The following PLCG1 variants were observed in gnomAD, a reference collection of about 807,000 sequenced individuals.
The protein encoded by PLCG1 is 1-phosphatidylinositol 4,5-bisphosphate phosphodiesterase gamma-1.
PLCG1 carries 71 observed loss-of-function variants against 177.8 expected under a neutral mutation model. That is an observed-to-expected ratio of 0.40 (90% CI 0.33 to 0.49). The LOEUF is 0.49. Among genes scored for constraint, PLCG1 ranks in the 20% least tolerant of loss-of-function variants. The probability of loss-of-function intolerance (pLI) is 0.72; values close to 1 mark genes in which losing one functional copy is unlikely to be tolerated. For missense variants in PLCG1, 1,281 were observed against 1,709.0 expected, an observed-to-expected ratio of 0.75 and a Z score of 4.42; for synonymous variants, 658 against 647.9, an observed-to-expected ratio of 1.02 and a Z score of -0.24.
chr20:41,165,712 G>A lies in PLCG1; in HGVS notation c.1685G>A (p.Arg562His), dbSNP rs1182207855. The change falls in exon 16 of 32, where the codon CGT becomes CAT. Residue 562 changes from arginine to histidine, a missense_variant. By Grantham distance (29) the Arg-to-His change is conservative. Around this residue, in one of 4 missense-constraint regions of PLCG1, gnomAD observed 723 missense variants for 1,030.0 expected, o/e 0.70. Coordinates refer to ENST00000685551, the MANE Select transcript of PLCG1 (RefSeq NM_002660.3). The surrounding 1 kb of genome is among the most constrained non-coding windows in gnomAD (Gnocchi z 6.6). The part of the protein sequence containing the change: ...HGKLGAGRDG[R>H]HIAERLLTEY... ...AAGCTAGGGGCAGGGCGTGACGGGC[G>A]TCACATCGCTGAGCGCCTGCTTACT... The A allele has an allele frequency of 2.5e-6, 4 of 1,613,776 alleles. No homozygotes were observed. The highest frequency in any genetic ancestry group is 1.7e-5 in the Admixed American group (1 of 60,012).
rs2035412309 is a variant in PLCG1 at position 41,159,113 on chromosome 20, G to T, written c.218-493G>T. ...GGCCCCTTGCTGAGACTTGTGTGGG[G>T]ATGGCTTTAGCAGTTAGGCATTTCA... is the stretch of plus-strand genomic sequence containing the variant. On this transcript the variant is annotated intron_variant, in intron 1 of 31. Coordinates refer to ENST00000685551, the MANE Select transcript of PLCG1 (RefSeq NM_002660.3). The surrounding 1 kb of genome is among the most constrained non-coding windows in gnomAD (Gnocchi z 6.0). 6.6e-6 allele frequency among the ~76,000 whole-genome samples: 1 copy of T among 152,200 alleles called. No individual in the cohort carries two copies. The highest frequency in any genetic ancestry group is 2.4e-5 in the African/African-American group (1 of 41,442).
intron 1 of PLCG1, among the ~76,000 whole-genome samples, chr20:41,141,585 G>A (rs771774087): frequency 1.3e-5 from 2 of 152,368 alleles, no homozygotes; most frequent in Non-Finnish European, 1.5e-5. Context: ...CTTTGTACTG[G>A]CTGTTACTCC....
At chr20:41,158,406 C>T (rs956218239) in intron 1 of PLCG1, among the ~76,000 whole-genome samples, 3 of 152,144 alleles carry the variant, frequency 2.0e-5, no homozygotes, top group Non-Finnish European at 4.4e-5. Flanking sequence ...GTTGGCTAAG[C>T]CAAGCTTTTT....
Position 41,153,835 on chromosome 20 carries a change from G to T in PLCG1, c.218-5771G>T, listed in dbSNP as rs2035238479. The stretch of plus-strand genomic sequence containing the variant: ...CACTTGAACCCCGGAGGCAGAGGTT[G>T]CAGTGAACCGAGATTGCACCACTGC... On this transcript the variant is annotated intron_variant, in intron 1 of 31. Transcript: ENST00000685551. This position sits in a 1 kb window ranked among gnomAD's most constrained non-coding sequence, Gnocchi z 5.1. Among the ~76,000 whole-genome samples, 1 of 152,210 alleles carries T rather than the reference G, an allele frequency of 6.6e-6. No individual in the cohort carries two copies. The highest frequency in any genetic ancestry group is 1.5e-5 in the Non-Finnish European group (1 of 68,038).
At chr20:41,152,192 A>C (rs900506242) in intron 1 of PLCG1, among the ~76,000 whole-genome samples, 10 of 69,992 alleles carry the variant, frequency 1.4e-4, no homozygotes, top group African/African-American at 5.9e-4. Flanking sequence ...GATTGGTGAG[A>C]GGTCATTTTG....
Position 41,153,905 on chromosome 20 carries a change from T to C in PLCG1, c.218-5701T>C, listed in dbSNP as rs146305398. Among the ~76,000 whole-genome samples the C allele has an allele frequency of 1.9e-4, 29 of 152,332 alleles. No individual in the cohort carries two copies. Among genetic ancestry groups the C allele is most frequent in the African/African-American group, 7.0e-4 (29 of 41,572 alleles). On this transcript the variant is annotated intron_variant, in intron 1 of 31. Coordinates refer to ENST00000685551, the MANE Select transcript of PLCG1 (RefSeq NM_002660.3). This position sits in a 1 kb window ranked among gnomAD's most constrained non-coding sequence, Gnocchi z 5.1. ...AGCGAGACACCCAGACCCAGAGAAA[T>C]ATTTCAGTGAAAGCATGTTTCATGT...
Position 41,159,368 on chromosome 20 carries a change from C to T in PLCG1, c.218-238C>T, listed in dbSNP as rs927820513. On this transcript the variant is annotated intron_variant, in intron 1 of 31. Transcript: ENST00000685551. The surrounding 1 kb of genome is among the most constrained non-coding windows in gnomAD (Gnocchi z 6.0). ...GAACAAAGATAGGGAAGGGACACCC[C>T]ACAGAACCACCTTTCCCCCATATAG... Among the ~76,000 whole-genome samples the T allele has an allele frequency of 6.6e-6, 1 of 152,096 alleles. No individual in the cohort carries two copies. The highest frequency in any genetic ancestry group is 2.4e-5 in the African/African-American group (1 of 41,404).
rs745495023 is a variant in PLCG1, at chr20:41,165,400, C to T, written c.1509+33C>T. 6.2e-7 allele frequency: 1 copy of T among 1,613,986 alleles called. No individual in the cohort carries two copies. Among genetic ancestry groups the T allele is most frequent in the Non-Finnish European group, 8.5e-7 (1 of 1,179,874 alleles). The stretch of plus-strand genomic sequence containing the variant: ...CTGGGCCAGGCTGGGGGTGGTAGGC[C>T]AGTGGGTGTGAGGACCCTGGCTCAC... On this transcript the variant is annotated intron_variant, in intron 14 of 31. Coordinates refer to ENST00000685551, the MANE Select transcript of PLCG1 (RefSeq NM_002660.3). The surrounding 1 kb of genome is among the most constrained non-coding windows in gnomAD (Gnocchi z 6.6).
In PLCG1 at chr20:41,165,109, G is replaced by A. The variant is rs1442124849; in HGVS notation, c.1386+8G>A. ...AGGAAGATCCTCATCAAGGTGGGGT[G>A]GCGGGCTTATTGCGGAAGCCCCACA... is the stretch of plus-strand genomic sequence containing the variant. On this transcript the variant is annotated splice_region_variant and intron_variant, in intron 13 of 31. Coordinates refer to ENST00000685551, the MANE Select transcript of PLCG1 (RefSeq NM_002660.3). The surrounding 1 kb of genome is among the most constrained non-coding windows in gnomAD (Gnocchi z 6.6). 6 of 1,610,444 alleles carry A rather than the reference G, an allele frequency of 3.7e-6. No homozygotes were observed. In the Admixed American group the frequency reaches 1.0e-4, roughly 27 times the overall value.
rs968855511 is a variant in PLCG1 at position 41,159,151 on chromosome 20, TC to T, written c.218-453del. ...GTTAGGCATTTCAGGGATGCACCAG[TC>T]CTCTGGGCCAGAGCCTACTTTCTCC... On this transcript the variant is annotated intron_variant, in intron 1 of 31. Coordinates refer to ENST00000685551, the MANE Select transcript of PLCG1 (RefSeq NM_002660.3). This position sits in a 1 kb window ranked among gnomAD's most constrained non-coding sequence, Gnocchi z 6.0. 6.6e-6 allele frequency among the ~76,000 whole-genome samples: 1 copy of T among 152,164 alleles called. No individual in the cohort carries two copies. Among genetic ancestry groups the T allele is most frequent in the Non-Finnish European group, 1.5e-5 (1 of 68,024 alleles).
At position 41,166,516 on chromosome 20, in the gene PLCG1, A is replaced by G. The variant is rs1568750067; in HGVS notation, c.2041A>G (p.Met681Val). 3 of 1,614,134 alleles carry G rather than the reference A, an allele frequency of 1.9e-6. No individual in the cohort carries two copies. The highest frequency in any genetic ancestry group is 1.1e-5 in the South Asian group (1 of 91,088). ...ASLTRAQAEHMLMRVPRDGAF... is the reference protein window; with the variant it reads ...ASLTRAQAEHVLMRVPRDGAF... ...CCTGACCAGAGCACAGGCTGAGCAC[A>G]TGCTAATGCGCGTCCCTCGTGATGG... is the stretch of plus-strand genomic sequence containing the variant. The change falls in exon 18 of 32, where the codon ATG becomes GTG. Residue 681 changes from methionine to valine, a missense_variant. Physicochemically the swap from Met to Val is conservative, Grantham distance 21. This residue lies in a region of PLCG1 where 723 missense variants were observed against 1,030.0 expected (regional missense o/e 0.70). Transcript: ENST00000685551. This position sits in a 1 kb window ranked among gnomAD's most constrained non-coding sequence, Gnocchi z 8.6.
chr20:41,166,318 G>A lies in PLCG1; in HGVS notation c.1924G>A (p.Val642Met). The A allele has an allele frequency of 6.2e-7, 1 of 1,614,168 alleles. No homozygotes were observed. The highest frequency in any genetic ancestry group is 8.5e-7 in the Non-Finnish European group (1 of 1,180,042). The change falls in exon 17 of 32, where the codon GTG becomes ATG. Residue 642 changes from valine (V) to methionine (M), a missense_variant. Physicochemically the swap from Val to Met is conservative, Grantham distance 21. Coordinates refer to ENST00000685551, the MANE Select transcript of PLCG1 (RefSeq NM_002660.3). This position sits in a 1 kb window ranked among gnomAD's most constrained non-coding sequence, Gnocchi z 8.6. ...TGACCTCATCACGCACTACCAGCAG[G>A]TGCCCCTGCGCTGTAATGAGTTTGA... ...LYDLITHYQQ[V>M]PLRCNEFEMR...
At chr20:41,149,026 T>C (rs1428331126) in intron 1 of PLCG1, among the ~76,000 whole-genome samples, 4 of 152,190 alleles carry the variant, frequency 2.6e-5, no homozygotes. Context: ...TATAAGGCAG[T>C]TTTTATCGTT....
In PLCG1 at chr20:41,164,163, C is replaced by T. The variant is rs377700219; in HGVS notation, c.1179C>T (p.Val393=). ...TLTTKIKFSD[V]LHTIKEHAFV... ...CCACCAAGATCAAGTTCTCAGATGTCCTGCACACCATCAAGGAGCATGCCT... is the reference window on the plus strand; with the variant it reads ...CCACCAAGATCAAGTTCTCAGATGTTCTGCACACCATCAAGGAGCATGCCT... Residue 393 remains valine (V), a synonymous_variant, in exon 12 of 32, where the codon GTC becomes GTT. Coordinates refer to ENST00000685551, the MANE Select transcript of PLCG1 (RefSeq NM_002660.3). This position sits in a 1 kb window ranked among gnomAD's most constrained non-coding sequence, Gnocchi z 6.4. 7.9e-5 allele frequency: 128 copies of T among 1,614,006 alleles called. No individual in the cohort carries two copies. Among genetic ancestry groups the T allele is most frequent in the Non-Finnish European group, 1.1e-4 (125 of 1,180,022 alleles).
In PLCG1 at chr20:41,150,518, C is replaced by T. The variant is rs1383581589; in HGVS notation, c.218-9088C>T. Reference sequence around the variant, plus strand: ...AAAGAACTTAGGCAGCATCAGTCTGCAAGGGAGGCAGAGTTTGGAGCACAC... The same window carrying T: ...AAAGAACTTAGGCAGCATCAGTCTGTAAGGGAGGCAGAGTTTGGAGCACAC... On this transcript the variant is annotated intron_variant, in intron 1 of 31. Transcript: ENST00000685551. This position sits in a 1 kb window ranked among gnomAD's most constrained non-coding sequence, Gnocchi z 4.0. Among the ~76,000 whole-genome samples the T allele has an allele frequency of 6.6e-6, 1 of 152,042 alleles. No homozygotes were observed. Among genetic ancestry groups the T allele is most frequent in the Non-Finnish European group, 1.5e-5 (1 of 68,010 alleles).
At chr20:41,158,492 C>G (rs2035392151) in intron 1 of PLCG1, among the ~76,000 whole-genome samples, 1 of 152,194 alleles carries the variant, frequency 6.6e-6, no homozygotes, top group Admixed American at 6.5e-5. Flanking sequence ...GGCAGCCCCT[C>G]CCTGTGCTGG....
chr20:41,142,290 A>G (rs954389827), intron 1 of PLCG1, among the ~76,000 whole-genome samples: 2 of 152,226 alleles, frequency 1.3e-5, no homozygotes, highest in Non-Finnish European at 2.9e-5. Flanking sequence ...GGGAACAGAT[A>G]TGGTGTGGTA....
At position 41,147,344 on chromosome 20, in the gene PLCG1, T is replaced by C. The variant is rs1272768832; in HGVS notation, c.217+9486T>C. Among the ~76,000 whole-genome samples the C allele has an allele frequency of 1.3e-5, 2 of 152,252 alleles. No individual in the cohort carries two copies. Among genetic ancestry groups the C allele is most frequent in the South Asian group, 2.1e-4 (1 of 4,830 alleles). On this transcript the variant is annotated intron_variant, in intron 1 of 31. Coordinates refer to ENST00000685551, the MANE Select transcript of PLCG1 (RefSeq NM_002660.3). The surrounding 1 kb of genome is among the most constrained non-coding windows in gnomAD (Gnocchi z 4.0). Reference sequence around the variant, plus strand: ...AGCATTCCCTCCAGTGAGAACAGAATGTCTGTTGCCAGACTGATCACAAGA... The same window carrying C: ...AGCATTCCCTCCAGTGAGAACAGAACGTCTGTTGCCAGACTGATCACAAGA...
At chr20:41,155,618 T>C (rs1299407742) in intron 1 of PLCG1, among the ~76,000 whole-genome samples, 7 of 152,174 alleles carry the variant, frequency 4.6e-5, no homozygotes, top group African/African-American at 1.7e-4. Flanking sequence ...GCTGGCGAAA[T>C]AGCTGCTTGT....
Sources: allele counts gnomAD v4.1 joint callset (sites outside exome capture counted in the v4.1 genomes callset), GRCh38; gene constraint gnomAD v4.1.1; regional missense constraint gnomAD v4.1.1; non-coding constraint Gnocchi (gnomAD v3.1); transcripts MANE v1.5; gene names NCBI Gene and HGNC (gene_info 2026-07-23, HGNC 2026-07-21).